The following ARID1A variants were observed in gnomAD, a reference collection of about 807,000 sequenced individuals.
ARID1A encodes the protein AT-rich interactive domain-containing protein 1A.
In ARID1A, 20 loss-of-function variants were observed where a neutral mutation model predicts 212.6. That is an observed-to-expected ratio of 0.09 (90% CI 0.07 to 0.14). ARID1A has a LOEUF of 0.14. Among genes scored for constraint, ARID1A ranks in the 10% least tolerant of loss-of-function variants. ARID1A has a pLI of 1.00. For missense variants in ARID1A, 2,587 were observed against 3,059.0 expected, an observed-to-expected ratio of 0.85 and a Z score of 3.64; for synonymous variants, 1,376 against 1,222.1, an observed-to-expected ratio of 1.13 and a Z score of -2.63.
chr1:26,731,108 A>T (rs960676009), intron 2 of ARID1A, 44 bp from the exon 3 acceptor site: 1 of 1,563,932 alleles, frequency 6.4e-7, no homozygotes, highest in Admixed American at 1.7e-5. Flanking sequence ...ATCTTTCCTC[A>T]TGCAGGAGAG....
chr1:26,706,126 A>C (rs907293638), intron 1 of ARID1A, among the ~76,000 whole-genome samples: 1 of 152,170 alleles, frequency 6.6e-6, no homozygotes, highest in African/African-American at 2.4e-5. Flanking sequence ...ATTGCTACCC[A>C]TATGAAGAGG....
intron 2 of ARID1A, 88 bp from the exon 3 acceptor site, chr1:26,731,064 C>G: frequency 7.3e-7 from 1 of 1,362,606 alleles, no homozygotes; most frequent in Non-Finnish European, 1.0e-6. Context: ...TTTCTATACT[C>G]ATCATCAGTG....
At chr1:26,703,177 C>T (rs2080347409) in intron 1 of ARID1A, among the ~76,000 whole-genome samples, 1 of 152,164 alleles carries the variant, frequency 6.6e-6, no homozygotes, top group Admixed American at 6.5e-5. Context: ...TGGGTCAGTA[C>T]AAAGTCCAAA....
chr1:26,697,572 G>C, intron 1 of ARID1A, 32 bp downstream of exon 1: 1 of 1,295,256 alleles, frequency 7.7e-7, no homozygotes, highest in Non-Finnish European at 9.8e-7. Context: ...GGGCTGGGGC[G>C]AGCGTGGTCC....
At position 26,697,145 on chromosome 1, in the gene ARID1A, G is replaced by C. The variant is rs1338292436; in HGVS notation, c.742G>C (p.Gly248Arg). Reference sequence around the variant, plus strand: ...GGGCTCCGGCGCGGCGGCGGCTGCCGGCTCCAAGCCGCCTCCCTCCTCCAG... The same window carrying C: ...GGGCTCCGGCGCGGCGGCGGCTGCCCGCTCCAAGCCGCCTCCCTCCTCCAG... ...TPGSGAAAAA[G>R]SKPPPSSSAS... Residue 248 changes from glycine (G) to arginine (R), a missense_variant, in exon 1 of 20, where the codon GGC (glycine) becomes CGC (arginine). This residue lies in a region of ARID1A where 735 missense variants were observed against 590.6 expected (regional missense o/e 1.24). Coordinates refer to ENST00000324856, the MANE Select transcript of ARID1A (RefSeq NM_006015.6). 7.0e-7 allele frequency: 1 copy of C among 1,438,050 alleles called. No homozygotes were observed. The highest frequency in any genetic ancestry group is 9.1e-7 in the Non-Finnish European group (1 of 1,098,850). The allele number at this position is 1,438,050 out of a possible 1,614,324, so 89.1% of individuals were successfully genotyped here.
chr1:26,766,573 AT>A lies in ARID1A; in HGVS notation c.2988+12del, dbSNP rs2081041660. The A allele has an allele frequency of 6.2e-7, 1 of 1,603,156 alleles. No homozygotes were observed. Among genetic ancestry groups the A allele is most frequent in the Non-Finnish European group, 8.5e-7 (1 of 1,174,600 alleles). Reference sequence around the variant, plus strand: ...GACAGAATCCAAATCCAAGGTAGTGATTTTTGTCTTGACTCCTTTCAACTTT... The same window carrying A: ...GACAGAATCCAAATCCAAGGTAGTGATTTTGTCTTGACTCCTTTCAACTTT... On this transcript the variant is annotated splice_region_variant and intron_variant, in intron 10 of 19. Coordinates refer to ENST00000324856, the MANE Select transcript of ARID1A (RefSeq NM_006015.6).
intron 6 of ARID1A, 105 bp downstream of exon 6, chr1:26,761,578 C>A: frequency 2.8e-6 from 3 of 1,077,276 alleles, no homozygotes; most frequent in East Asian, 4.8e-5. Flanking sequence ...TTAGGACAAT[C>A]CCTGCAGCAA....
chr1:26,759,917 T>C (rs1403247193), intron 4 of ARID1A, among the ~76,000 whole-genome samples: 2 of 152,248 alleles, frequency 1.3e-5, no homozygotes, highest in African/African-American at 2.4e-5. Context: ...CCAATGTCTC[T>C]CTTTCTTACC....
intron 4 of ARID1A, among the ~76,000 whole-genome samples, chr1:26,737,697 C>T (rs1344486872): frequency 6.6e-6 from 1 of 151,976 alleles, no homozygotes; most frequent in African/African-American, 2.4e-5. Context: ...GAAACACCAT[C>T]TCTACTAAAA....
Position 26,779,215 on chromosome 1 carries a change from C to G in ARID1A, c.5317C>G (p.Leu1773Val), listed in dbSNP as rs2124138123. 6.2e-7 allele frequency: 1 copy of G among 1,613,494 alleles called. No individual in the cohort carries two copies. Among genetic ancestry groups the G allele is most frequent in the Non-Finnish European group, 8.5e-7 (1 of 1,179,682 alleles). ...EEEEELLGPK[L>V]EEEEEEEVVE... ...AGAAGAAGAACTTCTAGGTCCTAAA[C>G]TAGAAGAGGAAGAAGAAGAGGAAGT... The change falls in exon 20 of 20, where the codon CTA becomes GTA. Residue 1773 changes from leucine (L) to valine (V), a missense_variant. Transcript: ENST00000324856.
At chr1:26,702,660 A>T (rs1282925715) in intron 1 of ARID1A, among the ~76,000 whole-genome samples, 1 of 152,198 alleles carries the variant, frequency 6.6e-6, no homozygotes, top group Non-Finnish European at 1.5e-5. Context: ...GTGGAGTAAA[A>T]TAACATTGGG....
At chr1:26,770,694 G>A (rs763719047) in intron 11 of ARID1A, 1 of 174,608 alleles carries the variant, frequency 5.7e-6, no homozygotes, top group Non-Finnish European at 1.2e-5. Context: ...GGAGGCAGAG[G>A]TTACAGCGAG....
intron 1 of ARID1A, among the ~76,000 whole-genome samples, chr1:26,703,440 C>A (rs1436985544): frequency 6.6e-6 from 1 of 152,120 alleles, no homozygotes; most frequent in Non-Finnish European, 1.5e-5. Flanking sequence ...ATTCTGACAC[C>A]AGTTTTCTTT....
At chr1:26,757,385 G>A (rs2080950070) in intron 4 of ARID1A, among the ~76,000 whole-genome samples, 1 of 150,906 alleles carries the variant, frequency 6.6e-6, no homozygotes, top group Non-Finnish European at 1.5e-5. Flanking sequence ...CAGGAGAATG[G>A]CGTGAACCCA....
At chr1:26,744,954 G>T (rs1392377390) in intron 4 of ARID1A, among the ~76,000 whole-genome samples, 1 of 151,890 alleles carries the variant, frequency 6.6e-6, no homozygotes, top group Non-Finnish European at 1.5e-5. Context: ...CCCCCCTCTT[G>T]CCCATTTCCT....
At chr1:26,778,150 A>G (rs2124133904) in intron 19 of ARID1A, 1 of 151,570 alleles carries the variant, frequency 6.6e-6, no homozygotes, top group South Asian at 2.1e-4. Context: ...AATCCCAGCT[A>G]CTTGGGAGGC....
Position 26,780,144 on chromosome 1 carries a change from G to C in ARID1A, c.6246G>C (p.Leu2082=). The C allele has an allele frequency of 6.2e-7, 1 of 1,614,154 alleles. No homozygotes were observed. The highest frequency in any genetic ancestry group is 8.5e-7 in the Non-Finnish European group (1 of 1,180,020). Residue 2082 remains leucine (L), a synonymous_variant, in exon 20 of 20, where the codon CTG becomes CTC. Coordinates refer to ENST00000324856, the MANE Select transcript of ARID1A (RefSeq NM_006015.6). This position sits in a 1 kb window ranked among gnomAD's most constrained non-coding sequence, Gnocchi z 7.2. ...CTCCATACCCCGAGAGCATTTGCCT[G>C]CCTGTCCTGGACGGACTCCTACACT... ...DLSPYPESIC[L]PVLDGLLHWA... is the part of the protein sequence containing the mutation.
In ARID1A at chr1:26,746,619, C is replaced by G. The variant is rs567119418; in HGVS notation, c.1920+13827C>G. Among the ~76,000 whole-genome samples, 6 of 152,298 alleles carry G rather than the reference C, an allele frequency of 3.9e-5. No homozygotes were observed. The South Asian group carries it at 1.2e-3, about 32-fold the overall frequency. On this transcript the variant is annotated intron_variant, in intron 4 of 19. Transcript: ENST00000324856. ...AGCTATGTTAACATATCTGGCCAGG[C>G]GCAGTGGCTCACGCCTGTAATCCCA...
At chr1:26,742,316 A>G (rs1438970441) in intron 4 of ARID1A, among the ~76,000 whole-genome samples, 1 of 152,226 alleles carries the variant, frequency 6.6e-6, no homozygotes, top group Admixed American at 6.5e-5. Flanking sequence ...AGCCAAACCT[A>G]TAGGACCTGC....
Sources: allele counts gnomAD v4.1 joint callset (sites outside exome capture counted in the v4.1 genomes callset), GRCh38; gene constraint gnomAD v4.1.1; regional missense constraint gnomAD v4.1.1; non-coding constraint Gnocchi (gnomAD v3.1); transcripts MANE v1.5; gene names NCBI Gene and HGNC (gene_info 2026-07-23, HGNC 2026-07-21).